The following TNRC6B variants were observed in gnomAD, a reference collection of about 807,000 sequenced individuals.
TNRC6B encodes trinucleotide repeat-containing gene 6B protein.
TNRC6B carries 52 observed loss-of-function variants against 203.6 expected under a neutral mutation model. The ratio of observed to expected loss-of-function variants is 0.26; its 90% CI spans 0.20 to 0.32. The LOEUF (loss-of-function observed/expected upper bound fraction) is 0.32, where lower values mean the gene tolerates loss of function less well. Ranked by LOEUF, TNRC6B falls within the 10% of genes least tolerant of loss-of-function variation. The probability of loss-of-function intolerance (pLI) is 1.00; values close to 1 mark genes in which losing one functional copy is unlikely to be tolerated. For missense variants in TNRC6B, 1,923 were observed against 2,286.2 expected, an observed-to-expected ratio of 0.84 and a Z score of 3.24; for synonymous variants, 838 against 845.7, an observed-to-expected ratio of 0.99 and a Z score of 0.16.
At chr22:40,160,086 G>A (rs907707697) in intron 4 of TNRC6B, among the ~76,000 whole-genome samples, 1 of 152,112 alleles carries the variant, frequency 6.6e-6, no homozygotes, top group Admixed American at 6.5e-5. Context: ...AAAGTGTTGG[G>A]ATTACAGGCA....
At chr22:40,275,490 T>C (rs779733815) in intron 7 of TNRC6B, among the ~76,000 whole-genome samples, 3 of 152,170 alleles carry the variant, frequency 2.0e-5, no homozygotes, top group Non-Finnish European at 4.4e-5. Flanking sequence ...TAATTTACCA[T>C]AGCGTACATT....
At chr22:40,097,445 A>G (rs1009645121) in intron 1 of TNRC6B, among the ~76,000 whole-genome samples, 1 of 152,088 alleles carries the variant, frequency 6.6e-6, no homozygotes, top group African/African-American at 2.4e-5. Flanking sequence ...AACTAGGACT[A>G]CACGTGGGTG....
intron 1 of TNRC6B, among the ~76,000 whole-genome samples, chr22:40,194,317 G>A (rs1013196848): frequency 3.3e-5 from 5 of 152,204 alleles, no homozygotes; most frequent in African/African-American, 1.2e-4. Flanking sequence ...GACCCTGTGA[G>A]CTGGTGCGGA....
chr22:40,122,362 T>C (rs2068453952), intron 2 of TNRC6B, among the ~76,000 whole-genome samples: 1 of 151,952 alleles, frequency 6.6e-6, no homozygotes, highest in Admixed American at 6.6e-5. Flanking sequence ...GGGGCCGGGC[T>C]TAAAAAAAAA....
chr22:40,219,601 T>G (rs1405597806), intron 1 of TNRC6B, among the ~76,000 whole-genome samples: 1 of 152,144 alleles, frequency 6.6e-6, no homozygotes, highest in African/African-American at 2.4e-5. Context: ...GAAATTGGTG[T>G]CCGTGGTGGC....
At chr22:40,160,476 C>A (rs868353504) in intron 4 of TNRC6B, among the ~76,000 whole-genome samples, 306 of 127,870 alleles carry the variant, frequency 2.4e-3, no homozygotes, top group African/African-American at 2.9e-3. Context: ...AACTCCGTCT[C>A]AAAAAAAAAA....
chr22:40,241,573 T>C (rs1601912948), intron 1 of TNRC6B, among the ~76,000 whole-genome samples: 3 of 152,352 alleles, frequency 2.0e-5, no homozygotes, highest in Middle Eastern at 3.4e-3. Context: ...TAAACACATT[T>C]AAAAGGACTC....
At chr22:40,106,155 A>G (rs767170510) in intron 1 of TNRC6B, among the ~76,000 whole-genome samples, 2 of 150,412 alleles carry the variant, frequency 1.3e-5, no homozygotes, top group African/African-American at 2.4e-5. Context: ...CTCTTTTAGA[A>G]CTTGTTAGAA....
intron 3 of TNRC6B, among the ~76,000 whole-genome samples, chr22:40,133,605 T>C (rs1276280323): frequency 6.6e-6 from 1 of 152,076 alleles, no homozygotes; most frequent in East Asian, 1.9e-4. Context: ...TTCATGGTTT[T>C]TATTGGTTTG....
chr22:40,049,193 G>A (rs893740019), intron 1 of TNRC6B, among the ~76,000 whole-genome samples: 14 of 151,940 alleles, frequency 9.2e-5, no homozygotes, highest in Admixed American at 3.9e-4. Context: ...CAGCCTGGCC[G>A]GTCACTGTGT....
chr22:40,055,343 G>A (rs1232613375), intron 1 of TNRC6B, among the ~76,000 whole-genome samples: 2 of 152,196 alleles, frequency 1.3e-5, no homozygotes, highest in Non-Finnish European at 2.9e-5. Flanking sequence ...CTCACACTAA[G>A]TTGTGGAGGA....
chr22:40,306,144 A>T (rs1454005294), intron 15 of TNRC6B, among the ~76,000 whole-genome samples: 2 of 152,050 alleles, frequency 1.3e-5, no homozygotes, highest in Admixed American at 6.6e-5. Flanking sequence ...TACAAAAAAA[A>T]TCAGCGAGTG....
At chr22:40,196,366 C>A (rs1259902177) in intron 1 of TNRC6B, among the ~76,000 whole-genome samples, 1 of 151,880 alleles carries the variant, frequency 6.6e-6, no homozygotes, top group South Asian at 2.1e-4. Flanking sequence ...ATGTGATCTT[C>A]TTCTATCACA....
chr22:40,207,690 T>G (rs981643152), intron 1 of TNRC6B, among the ~76,000 whole-genome samples: 3 of 151,680 alleles, frequency 2.0e-5, no homozygotes, highest in Admixed American at 6.6e-5. Context: ...AATTTCACAG[T>G]AGAGAAAATC....
chr22:40,168,772 T>G (rs1182386947), intron 4 of TNRC6B, among the ~76,000 whole-genome samples: 1 of 152,216 alleles, frequency 6.6e-6, no homozygotes, highest in Non-Finnish European at 1.5e-5. Context: ...TTGGTAAAAC[T>G]TGGAAAAGCC....
At chr22:40,218,541 T>A (rs989171160) in intron 1 of TNRC6B, among the ~76,000 whole-genome samples, 1 of 152,012 alleles carries the variant, frequency 6.6e-6, no homozygotes, top group Non-Finnish European at 1.5e-5. Context: ...TTTCCCAGGC[T>A]AGTCTCGAAC....
intron 1 of TNRC6B, among the ~76,000 whole-genome samples, chr22:40,218,197 T>A (rs1038682557): frequency 1.3e-5 from 2 of 151,952 alleles, no homozygotes; most frequent in African/African-American, 2.4e-5. Context: ...ATTTTTAAAA[T>A]TTTTTTATAT....
intron 4 of TNRC6B, 109 bp from the exon 5 acceptor site, chr22:40,264,579 C>T: frequency 8.3e-7 from 1 of 1,210,564 alleles, no homozygotes; most frequent in Non-Finnish European, 1.1e-6. Flanking sequence ...GAGAAACTGG[C>T]ATGTGATCAG....
At chr22:40,122,208 C>T (rs1218144892) in intron 2 of TNRC6B, among the ~76,000 whole-genome samples, 8 of 152,046 alleles carry the variant, frequency 5.3e-5, no homozygotes, top group Admixed American at 1.3e-4. Flanking sequence ...TTATATGCAG[C>T]GAGAAATTGT....
Sources: gnomAD v4.1 joint callset for allele counts (sites outside exome capture counted in the v4.1 genomes callset) on GRCh38, gnomAD v4.1.1 for gene constraint, MANE v1.5 for transcripts, NCBI Gene and HGNC (gene_info 2026-07-23, HGNC 2026-07-21) for gene names.